The following IPO5 variants were observed in gnomAD, a reference collection of about 807,000 sequenced individuals.
The protein encoded by IPO5 is importin-5.
Under a neutral mutation model 143.3 loss-of-function variants are expected in IPO5, and 18 were observed. That is an observed-to-expected ratio of 0.13 (90% CI 0.09 to 0.19). IPO5 has a LOEUF of 0.19. IPO5 is among the 10% of genes least tolerant of loss of function. The pLI is 1.00. For missense variants in IPO5, 1,013 were observed against 1,336.9 expected (o/e 0.76, Z 3.78); for synonymous variants, 477 against 465.7 (o/e 1.02, Z -0.31).
chr13:97,982,459 GTTTCCTAACATTC>G, intron 4 of IPO5, 31 bp from the exon 5 acceptor site: 1 of 1,315,192 alleles, frequency 7.6e-7, no homozygotes, highest in Non-Finnish European at 1.1e-6. Flanking sequence ...TACTCATGAA[GTTTCCTAACATTC>G]TTTCCTAACC....
Position 98,020,983 on chromosome 13 carries a change from A to T in IPO5, c.3066-9A>T, listed in dbSNP as rs1273809616. On this transcript the variant is annotated splice_polypyrimidine_tract_variant and intron_variant, in intron 27 of 28. Coordinates refer to ENST00000651721, the MANE Select transcript of IPO5 (RefSeq NM_002271.6). ...TTTCACTTACTAAGGTTTTCTTCTCATTTGTCAGTAATCATCCAATTGTTC... is the reference window on the plus strand; with the variant it reads ...TTTCACTTACTAAGGTTTTCTTCTCTTTTGTCAGTAATCATCCAATTGTTC... 1 of 1,600,632 alleles carries T rather than the reference A, an allele frequency of 6.2e-7. No individual in the cohort carries two copies. Among genetic ancestry groups the T allele is most frequent in the Non-Finnish European group, 8.5e-7 (1 of 1,173,096 alleles).
In IPO5 at chr13:98,010,780, C is replaced by CGTTTTTTTTTTTTTTTTTTTTT. The variant is rs1889639079; in HGVS notation, c.2055+556_2055+557insGTTTTTTTTTTTTTTTTTTTTT. 2.9e-4 allele frequency among the ~76,000 whole-genome samples: 20 copies of CGTTTTTTTTTTTTTTTTTTTTT among 70,028 alleles called. 1 individual carries two copies. The highest frequency in any genetic ancestry group is 1.9e-3 in the African/African-American group (20 of 10,538). The allele number at this position is 70,028 out of a possible 152,430, so 45.9% of individuals were successfully genotyped here. A position where few individuals can be genotyped will look rare whatever the true frequency, so the allele number is the denominator to read the frequency against. Reference sequence around the variant, plus strand: ...ATGCGTTTTAAAGTGAAGGATAATCCTTTTTTTTTTTTTTTTTTGAGGTGG... The same window carrying CGTTTTTTTTTTTTTTTTTTTTT: ...ATGCGTTTTAAAGTGAAGGATAATCCGTTTTTTTTTTTTTTTTTTTTTTTTTTTTTTTTTTTTTTTGAGGTGG... On this transcript the variant is annotated intron_variant, in intron 20 of 28. Coordinates refer to ENST00000651721, the MANE Select transcript of IPO5 (RefSeq NM_002271.6).
chr13:98,017,791 G>GT (rs957779735), intron 25 of IPO5, among the ~76,000 whole-genome samples: 59 of 151,912 alleles, frequency 3.9e-4, no homozygotes, highest in Non-Finnish European at 7.9e-4. Flanking sequence ...TGTGTATTCA[G>GT]TTTTTTTGTT....
At chr13:97,984,452 G>A (rs996207886) in intron 5 of IPO5, among the ~76,000 whole-genome samples, 2 of 152,138 alleles carry the variant, frequency 1.3e-5, no homozygotes, top group Non-Finnish European at 2.9e-5. Context: ...ATTAGTGACA[G>A]CATCTTGATT....
intron 3 of IPO5, chr13:97,976,143 C>G (rs920564947): frequency 1.1e-5 from 2 of 178,872 alleles, no homozygotes; most frequent in Non-Finnish European, 2.2e-5. Flanking sequence ...CCGACCAGCC[C>G]GCGGCGCCGA....
At chr13:97,993,360 A>G (rs1887958161) in intron 11 of IPO5, 135 bp downstream of exon 11, 2 of 738,606 alleles carry the variant, frequency 2.7e-6, no homozygotes, top group Admixed American at 2.6e-5. Flanking sequence ...ATTTGGGAAA[A>G]TGCATCTCAA....
rs2296092 is a variant in IPO5, at chr13:98,018,577, A to T, written c.2709A>T (p.Ala903=). The T allele has an allele frequency of 6.2e-7, 1 of 1,614,114 alleles. No individual in the cohort carries two copies. Among genetic ancestry groups the T allele is most frequent in the East Asian group, 2.2e-5 (1 of 44,874 alleles). The part of the protein sequence containing the change: ...EHCSPASFKY[A]EYFLRPMLQY... ...GTAGTCCAGCCTCATTTAAATACGC[A>T]GAATATTTCTTAAGACCAATGCTCC... Residue 903 remains alanine, a synonymous_variant, in exon 26 of 29, where the codon GCA becomes GCT. Coordinates refer to ENST00000651721, the MANE Select transcript of IPO5 (RefSeq NM_002271.6).
Position 97,976,827 on chromosome 13 carries a change from C to G in IPO5, c.90+41C>G, listed in dbSNP as rs535139972. 5.4e-5 allele frequency: 50 copies of G among 922,196 alleles called. 1 individual carries two copies. Among genetic ancestry groups the G allele is most frequent in the South Asian group, 5.2e-4 (31 of 60,010 alleles). 57.1% of individuals were successfully genotyped at this position (922,196 alleles called of 1,614,324 possible). A position where few individuals can be genotyped will look rare whatever the true frequency, so the allele number is the denominator to read the frequency against. Reference sequence around the variant, plus strand: ...GCCCCAGTCTTCGCGCCCTGGCCGGCGCGCCGACCCTTTACCGACGCCAGC... The same window carrying G: ...GCCCCAGTCTTCGCGCCCTGGCCGGGGCGCCGACCCTTTACCGACGCCAGC... On this transcript the variant is annotated intron_variant, in intron 4 of 28. Transcript: ENST00000651721.
chr13:97,986,196 C>G (rs2139665803), intron 6 of IPO5, among the ~76,000 whole-genome samples: 1 of 152,194 alleles, frequency 6.6e-6, no homozygotes, highest in Admixed American at 6.5e-5. Flanking sequence ...TCTCCTAAAT[C>G]TATAATGTTT....
intron 6 of IPO5, 111 bp from the exon 7 acceptor site, chr13:97,988,951 C>A: frequency 1.8e-5 from 9 of 513,292 alleles, no homozygotes; most frequent in Middle Eastern, 3.7e-4. Flanking sequence ...GCAAAAGTGA[C>A]ATTTTTCACT....
chr13:98,002,304 C>T (rs1302280586), intron 13 of IPO5, 163 bp from the exon 14 acceptor site: 34 of 524,618 alleles, frequency 6.5e-5, no homozygotes, highest in East Asian at 2.3e-4. Flanking sequence ...CGCGAGCCAC[C>T]GCGCCCGGCC....
Position 97,999,668 on chromosome 13 carries a change from A to G in IPO5, c.1002-871A>G, listed in dbSNP as rs544481952. ...ACTGATCCTCCAGTTCTAAGCCAGG[A>G]TAAGTCCAAATGCTTTTATGCCCAC... On this transcript the variant is annotated intron_variant, in intron 12 of 28. Coordinates refer to ENST00000651721, the MANE Select transcript of IPO5 (RefSeq NM_002271.6). Among the ~76,000 whole-genome samples the G allele has an allele frequency of 1.2e-4, 19 of 152,372 alleles. No homozygotes were observed. In the South Asian group the frequency reaches 3.5e-3, roughly 28 times the overall value.
chr13:97,994,383 A>G (rs1888061602), intron 11 of IPO5, among the ~76,000 whole-genome samples: 1 of 152,194 alleles, frequency 6.6e-6, no homozygotes, highest in South Asian at 2.1e-4. Flanking sequence ...AGTTTTAAAG[A>G]CTCAACAGAT....
At chr13:98,013,112 A>G (rs1351268727) in intron 21 of IPO5, among the ~76,000 whole-genome samples, 1 of 152,120 alleles carries the variant, frequency 6.6e-6, no homozygotes, top group African/African-American at 2.4e-5. Flanking sequence ...GCTAGAGTGC[A>G]TGGCACGATC....
intron 4 of IPO5, among the ~76,000 whole-genome samples, chr13:97,979,051 A>T (rs1003268030): frequency 6.6e-6 from 1 of 152,220 alleles, no homozygotes; most frequent in African/African-American, 2.4e-5. Flanking sequence ...CCTCCAAAAA[A>T]GTAAATGTTA....
chr13:97,987,950 A>ATT (rs34796635), intron 6 of IPO5: 55 of 242,740 alleles, frequency 2.3e-4, no homozygotes, highest in East Asian at 3.3e-4. Flanking sequence ...GCTCTCATAG[A>ATT]TTTTTTTTTT....
chr13:98,015,844 C>G (rs879103866), intron 24 of IPO5, 63 bp downstream of exon 24: 1 of 1,021,912 alleles, frequency 9.8e-7, no homozygotes, highest in South Asian at 1.5e-5. Flanking sequence ...TTGTAAATGC[C>G]TCAATTTCTG....
In IPO5 at chr13:98,019,605, T is replaced by C; in HGVS notation, c.2861T>C (p.Val954Ala). Residue 954 changes from valine to alanine, a missense_variant, in exon 27 of 29, where the codon GTT (valine) becomes GCT (alanine). This residue lies in a region of IPO5 where 685 missense variants were observed against 994.9 expected (regional missense o/e 0.69). Transcript: ENST00000651721. ...GAAGCACTTCCCCTGCTGGTAAGAG[T>C]TATTCAGTCTGCGGATTCTAAGACC... Reference protein sequence around the residue: ...CTEALPLLVRVIQSADSKTKE... With the variant: ...CTEALPLLVRAIQSADSKTKE... 5.6e-6 allele frequency: 9 copies of C among 1,613,838 alleles called. No homozygotes were observed. The highest frequency in any genetic ancestry group is 7.6e-6 in the Non-Finnish European group (9 of 1,179,740).
rs1449101172 is a variant in IPO5, at chr13:98,008,079, T to C, written c.1737T>C (p.Asp579=). The change falls in exon 18 of 29, where the codon GAT becomes GAC. Residue 579 remains aspartate (D), a synonymous_variant. Coordinates refer to ENST00000651721, the MANE Select transcript of IPO5 (RefSeq NM_002271.6). The part of the protein sequence containing the change: ...GKEKFMQDAS[D]VMQLLLKTQT... Reference sequence around the variant, plus strand: ...TCTAGTTCATGCAGGATGCATCAGATGTGATGCAGCTTTTGTTAAAGACCC... The same window carrying C: ...TCTAGTTCATGCAGGATGCATCAGACGTGATGCAGCTTTTGTTAAAGACCC... The C allele has an allele frequency of 6.2e-7, 1 of 1,609,160 alleles. No homozygotes were observed. The highest frequency in any genetic ancestry group is 8.5e-7 in the Non-Finnish European group (1 of 1,175,610).
Sources: allele counts gnomAD v4.1 joint callset (sites outside exome capture counted in the v4.1 genomes callset), GRCh38; gene constraint gnomAD v4.1.1; regional missense constraint gnomAD v4.1.1; transcripts MANE v1.5; gene names NCBI Gene and HGNC (gene_info 2026-07-23, HGNC 2026-07-21).